Variants in TOGARAM2 observed in about 807,000 individuals in gnomAD.
The protein encoded by TOGARAM2 is TOG array regulator of axonemal microtubules 2.
TOGARAM2 carries 85 observed loss-of-function variants against 93.3 expected under a neutral mutation model. The ratio of observed to expected loss-of-function variants is 0.91; its 90% confidence interval spans 0.76 to 1.09. The LOEUF is 1.09. Among genes scored for constraint, TOGARAM2 ranks in the 50% least tolerant of loss-of-function variants. The pLI, the probability that TOGARAM2 is intolerant of heterozygous loss-of-function variation, is 0.00. For missense variants in TOGARAM2, 1,277 were observed against 1,334.5 expected, an observed-to-expected ratio of 0.96 and a Z score of 0.67; for synonymous variants, 593 against 552.8, an observed-to-expected ratio of 1.07 and a Z score of -1.02.
At chr2:29,029,627 G>A (rs937828669) in intron 14 of TOGARAM2, among the ~76,000 whole-genome samples, 24 of 149,698 alleles carry the variant, frequency 1.6e-4, no homozygotes, top group Admixed American at 1.0e-3. Flanking sequence ...GTGGTGGCGG[G>A]TGCCTGTAGT....
In TOGARAM2 at chr2:29,003,494, G is replaced by A. The variant is rs533321689; in HGVS notation, c.642G>A (p.Ala214=). The A allele has an allele frequency of 2.0e-5, 31 of 1,525,690 alleles. No individual in the cohort carries two copies. The Admixed American group carries it at 4.4e-4, about 22-fold the overall frequency. 94.5% of individuals were successfully genotyped at this position (1,525,690 alleles called of 1,614,324 possible). A position where few individuals can be genotyped will look rare whatever the true frequency, so the allele number is the denominator to read the frequency against. Residue 214 remains alanine (A), a splice_region_variant and synonymous_variant, in exon 6 of 20, where the codon GCG becomes GCA. Transcript: ENST00000379558. The part of the protein sequence containing the change: ...PHELRPGAQE[A]QISWQYLHCN... ...CCCTGTCCCGCCTCTGCTCCCAGGC[G>A]CAGATCTCCTGGCAATACCTGCACT...
intron 1 of TOGARAM2, among the ~76,000 whole-genome samples, chr2:28,973,341 C>CCCTT (rs1671974654): frequency 7.1e-6 from 1 of 140,472 alleles, no homozygotes; most frequent in Admixed American, 7.2e-5. Flanking sequence ...CTTAGCCCCT[C>CCCTT]CCTTCCTTCC....
intron 1 of TOGARAM2, among the ~76,000 whole-genome samples, chr2:28,971,787 TG>T (rs1288101638): frequency 1.3e-5 from 2 of 152,244 alleles, no homozygotes; most frequent in African/African-American, 4.8e-5. Flanking sequence ...TTTTTCTTGA[TG>T]GTTCTAAGGA....
intron 4 of TOGARAM2, among the ~76,000 whole-genome samples, chr2:28,999,953 AC>A (rs1673199700): frequency 8.7e-6 from 1 of 115,446 alleles, no homozygotes; most frequent in South Asian, 2.7e-4. Flanking sequence ...CTCCTCCCCC[AC>A]CCCTCCTCCG....
At chr2:28,958,303 T>C (rs1671754458) in intron 1 of TOGARAM2, among the ~76,000 whole-genome samples, 1 of 152,036 alleles carries the variant, frequency 6.6e-6, no homozygotes, top group East Asian at 1.9e-4. Flanking sequence ...ACCTTGTTTT[T>C]TTTTTTTTTC....
At chr2:28,965,105 G>C (rs556510754) in intron 1 of TOGARAM2, among the ~76,000 whole-genome samples, 1 of 152,006 alleles carries the variant, frequency 6.6e-6, no homozygotes, top group Non-Finnish European at 1.5e-5. Context: ...CATTCCCACC[G>C]ACAGTGTAAA....
chr2:28,975,467 T>C (rs936471225), intron 1 of TOGARAM2, among the ~76,000 whole-genome samples: 5 of 152,094 alleles, frequency 3.3e-5, no homozygotes, highest in Non-Finnish European at 5.9e-5. Flanking sequence ...GGATTACAGG[T>C]GTGAGCCAGT....
chr2:29,014,328 C>T, intron 7 of TOGARAM2, 67 bp from the exon 8 acceptor site: 1 of 1,545,920 alleles, frequency 6.5e-7, no homozygotes, highest in South Asian at 1.2e-5. Flanking sequence ...TTGAGCCAGC[C>T]ACAGGGTCAG....
In TOGARAM2 at chr2:29,017,336, G is replaced by C. The variant is rs780776946; in HGVS notation, c.1195+32G>C. 2.6e-6 allele frequency: 4 copies of C among 1,534,336 alleles called. No individual in the cohort carries two copies. In the Admixed American group the frequency reaches 9.1e-5, roughly 35 times the overall value. On this transcript the variant is annotated intron_variant, in intron 9 of 19. Coordinates refer to ENST00000379558, the MANE Select transcript of TOGARAM2 (RefSeq NM_199280.4). ...GGTGCCTGGTGTGGGATTTGCTCAG[G>C]CCTGGGGAGCTGAGTCCACTCTCTC... is the stretch of plus-strand genomic sequence containing the variant.
At chr2:28,960,290 A>G (rs1216834975) in intron 1 of TOGARAM2, among the ~76,000 whole-genome samples, 1 of 152,226 alleles carries the variant, frequency 6.6e-6, no homozygotes, top group Non-Finnish European at 1.5e-5. Flanking sequence ...TGACTCCTGC[A>G]ATAACTACAA....
intron 16 of TOGARAM2, 105 bp downstream of exon 16, chr2:29,033,668 G>C: frequency 2.0e-6 from 2 of 1,001,724 alleles, no homozygotes; most frequent in South Asian, 1.6e-5. Context: ...TATGGATCTG[G>C]GGTATCGCTG....
chr2:29,042,408 C>T (rs1327099822), intron 18 of TOGARAM2, among the ~76,000 whole-genome samples: 1 of 152,218 alleles, frequency 6.6e-6, no homozygotes, highest in Non-Finnish European at 1.5e-5. Flanking sequence ...CTTTCTGGCT[C>T]TGGGGAGAGG....
chr2:29,023,600 T>A (rs967569576), intron 12 of TOGARAM2, among the ~76,000 whole-genome samples: 4 of 152,110 alleles, frequency 2.6e-5, no homozygotes, highest in African/African-American at 4.8e-5. Flanking sequence ...TTTGTTCTCA[T>A]GTGGAGGCTG....
intron 1 of TOGARAM2, among the ~76,000 whole-genome samples, chr2:28,994,263 A>G (rs1428093599): frequency 6.6e-6 from 1 of 152,106 alleles, no homozygotes; most frequent in African/African-American, 2.4e-5. Flanking sequence ...ATGACCGCGC[A>G]TCCTGAGAGA....
intron 1 of TOGARAM2, among the ~76,000 whole-genome samples, chr2:28,984,210 G>A (rs1672361669): frequency 6.6e-6 from 1 of 151,614 alleles, no homozygotes; most frequent in South Asian, 2.1e-4. Context: ...TCCCTTCCTG[G>A]GTCTTGGATT....
chr2:29,030,283 T>A (rs1665688125), intron 14 of TOGARAM2, among the ~76,000 whole-genome samples: 1 of 151,344 alleles, frequency 6.6e-6, no homozygotes, highest in Non-Finnish European at 1.5e-5. Flanking sequence ...CTCAAAAAAA[T>A]AAATAAATAA....
At chr2:28,982,737 T>G (rs543046111) in intron 1 of TOGARAM2, among the ~76,000 whole-genome samples, 6 of 152,294 alleles carry the variant, frequency 3.9e-5, no homozygotes, top group African/African-American at 1.4e-4. Flanking sequence ...GCACAGAGGC[T>G]GGAAGTTTAT....
intron 11 of TOGARAM2, among the ~76,000 whole-genome samples, chr2:29,022,854 CT>C (rs1665049373): frequency 6.6e-6 from 1 of 152,198 alleles, no homozygotes. Flanking sequence ...CCATACAGCA[CT>C]GTCAGAGCTG....
intron 18 of TOGARAM2, among the ~76,000 whole-genome samples, chr2:29,039,111 G>A (rs1332498416): frequency 6.6e-6 from 1 of 152,168 alleles, no homozygotes; most frequent in Non-Finnish European, 1.5e-5. Flanking sequence ...GGAAGAGAAG[G>A]GGTATGAAGT....
Sources: allele counts gnomAD v4.1 joint callset (sites outside exome capture counted in the v4.1 genomes callset), GRCh38; gene constraint gnomAD v4.1.1; transcripts MANE v1.5; gene names NCBI Gene and HGNC (gene_info 2026-07-23, HGNC 2026-07-21).